Variants in POGZ observed in about 807,000 individuals in gnomAD.
POGZ encodes the protein pogo transposable element with ZNF domain.
POGZ carries 17 observed loss-of-function variants against 134.6 expected under a neutral mutation model. That is an observed-to-expected ratio of 0.13 (90% CI 0.09 to 0.19). The LOEUF (loss-of-function observed/expected upper bound fraction) is 0.19. POGZ is among the 10% of genes least tolerant of loss of function. POGZ has a pLI of 1.00. For missense variants in POGZ, 1,306 were observed against 1,769.7 expected (o/e 0.74, Z 4.70); for synonymous variants, 693 against 657.1 (o/e 1.05, Z -0.84).
At chr1:151,433,661 G>C (rs899715783) in intron 3 of POGZ, among the ~76,000 whole-genome samples, 1 of 139,562 alleles carries the variant, frequency 7.2e-6, no homozygotes, top group Non-Finnish European at 1.6e-5. Context: ...CAATCAAAAA[G>C]TGGTTTTCTA....
chr1:151,453,107 G>C (rs1354010674), intron 1 of POGZ, among the ~76,000 whole-genome samples: 1 of 151,858 alleles, frequency 6.6e-6, no homozygotes, highest in Non-Finnish European at 1.5e-5. Flanking sequence ...ATTTTTAGTA[G>C]AGACAGGTTT....
intron 2 of POGZ, among the ~76,000 whole-genome samples, chr1:151,441,387 T>C (rs1229968428): frequency 6.6e-6 from 1 of 152,190 alleles, no homozygotes; most frequent in Non-Finnish European, 1.5e-5. Flanking sequence ...AAAGGTTTAT[T>C]ATTACCACTA....
intron 1 of POGZ, among the ~76,000 whole-genome samples, chr1:151,444,897 G>C (rs534823865): frequency 6.6e-6 from 1 of 152,110 alleles, no homozygotes; most frequent in South Asian, 2.1e-4. Flanking sequence ...GCACACACCA[G>C]TGGTCCCAGC....
At chr1:151,419,748 T>C (rs1395730066) in intron 10 of POGZ, among the ~76,000 whole-genome samples, 5 of 145,974 alleles carry the variant, frequency 3.4e-5, no homozygotes, top group African/African-American at 1.3e-4. Context: ...TACGAAAGAC[T>C]GCAAGAATAA....
In POGZ at chr1:151,415,361, A is replaced by G. The variant is rs535419833; in HGVS notation, c.1679-2965T>C. 2.6e-5 allele frequency among the ~76,000 whole-genome samples: 4 copies of G among 152,270 alleles called. No homozygotes were observed. The East Asian group carries it at 7.7e-4, about 29-fold the overall frequency. On this transcript the variant is annotated intron_variant, in intron 10 of 18. Coordinates refer to ENST00000271715, the MANE Select transcript of POGZ (RefSeq NM_015100.4). ...GGAGGTAACAATGCCAGGAAGAAAA[A>G]TGTTATAATATTTGAAGAAATGGGC...
chr1:151,423,522 T>G lies in POGZ; in HGVS notation c.1553A>C (p.Glu518Ala), dbSNP rs1160818592. The change falls in exon 10 of 19, where the codon GAA becomes GCA. Residue 518 changes from glutamate to alanine, a missense_variant. This residue lies in a region of POGZ where 541 missense variants were observed against 680.5 expected (regional missense o/e 0.80). Coordinates refer to ENST00000271715, the MANE Select transcript of POGZ (RefSeq NM_015100.4). ...TACCTCACCGTTCTGCTGATCGAGT[T>G]CTACGTGGTGTTTCATATGGTTCAT... ...RFMNHMKHHVELDQQNGEVDG... is the reference protein window; with the variant it reads ...RFMNHMKHHVALDQQNGEVDG... The G allele has an allele frequency of 1.2e-6, 2 of 1,613,790 alleles. No homozygotes were observed. The highest frequency in any genetic ancestry group is 3.3e-5 in the Admixed American group (2 of 59,946).
chr1:151,424,455 T>C (rs140285774), intron 8 of POGZ, 169 bp from the exon 9 acceptor site: 3 of 536,218 alleles, frequency 5.6e-6, no homozygotes, highest in African/African-American at 3.8e-5. Flanking sequence ...TTCTAGAGTA[T>C]ATCCACATAT....
chr1:151,445,259 C>A (rs1557943530), intron 1 of POGZ, among the ~76,000 whole-genome samples: 1 of 152,108 alleles, frequency 6.6e-6, no homozygotes, highest in Non-Finnish European at 1.5e-5. Context: ...CAGTGGCTCA[C>A]ATCTGTAATC....
intron 1 of POGZ, among the ~76,000 whole-genome samples, chr1:151,458,640 C>G (rs1160551097): frequency 1.4e-5 from 2 of 146,258 alleles, no homozygotes; most frequent in Non-Finnish European, 3.0e-5. Flanking sequence ...GCCTCGCCCC[C>G]TCGCCGGCCC....
intron 12 of POGZ, among the ~76,000 whole-genome samples, 173 bp from the exon 13 acceptor site, chr1:151,409,001 A>G (rs1654173195): frequency 6.6e-6 from 1 of 152,186 alleles, no homozygotes; most frequent in South Asian, 2.1e-4. Flanking sequence ...CCTACCATTG[A>G]GAATCATCAC....
At chr1:151,417,050 TGA>T (rs1412623501) in intron 10 of POGZ, among the ~76,000 whole-genome samples, 1 of 152,118 alleles carries the variant, frequency 6.6e-6, no homozygotes, top group African/African-American at 2.4e-5. Flanking sequence ...TAAGGATTTC[TGA>T]TTAATTCTGT....
intron 10 of POGZ, among the ~76,000 whole-genome samples, chr1:151,417,689 C>CACAG (rs1656008194): frequency 2.5e-4 from 1 of 4,026 alleles, no homozygotes; most frequent in Non-Finnish European, 7.4e-4. Flanking sequence ...GTACTGTGGC[C>CACAG]ACACACACAC....
At chr1:151,441,986 T>C in intron 2 of POGZ, 95 bp downstream of exon 2, 4 of 875,808 alleles carry the variant, frequency 4.6e-6, no homozygotes, top group Non-Finnish European at 7.1e-6. Flanking sequence ...TCTCCCTGGA[T>C]TCTTCAAGTC....
chr1:151,406,403 AAGG>A lies in POGZ; in HGVS notation c.2629_2631del (p.Pro877del), dbSNP rs1392160287. On this transcript the variant is annotated inframe_deletion, in exon 19 of 19. Coordinates refer to ENST00000271715, the MANE Select transcript of POGZ (RefSeq NM_015100.4). ...GTGGCAGCTTTGTTAGTGGGGAAGG[AAGG>A]AGGAGGGTACATATTCTTCACGTTC... 6.4e-7 allele frequency: 1 copy of A among 1,571,276 alleles called. No individual in the cohort carries two copies. Among genetic ancestry groups the A allele is most frequent in the African/African-American group, 1.4e-5 (1 of 73,456 alleles).
At chr1:151,457,714 G>A (rs562765790) in intron 1 of POGZ, among the ~76,000 whole-genome samples, 3 of 152,110 alleles carry the variant, frequency 2.0e-5, no homozygotes, top group African/African-American at 4.8e-5. Flanking sequence ...ATCACCTGAG[G>A]TCAGGCGTTC....
At position 151,423,939 on chromosome 1, in the gene POGZ, A is replaced by G. The variant is rs779479223; in HGVS notation, c.1523+10T>C. On this transcript the variant is annotated intron_variant, in intron 9 of 18. Coordinates refer to ENST00000271715, the MANE Select transcript of POGZ (RefSeq NM_015100.4). ...GTTCAAGGTAACTTCCAAGGCTCTT[A>G]AACACTTACCGAATATTGTTTTTTA... The G allele has an allele frequency of 6.9e-6, 11 of 1,603,478 alleles. No homozygotes were observed. Among genetic ancestry groups the G allele is most frequent in the Non-Finnish European group, 9.4e-6 (11 of 1,171,618 alleles).
intron 1 of POGZ, 139 bp downstream of exon 1, chr1:151,459,013 G>GCCCCCCCCCCC (rs550552322): frequency 7.0e-6 from 1 of 142,052 alleles, no homozygotes; most frequent in Non-Finnish European, 1.6e-5. Flanking sequence ...CGCACCGCCG[G>GCCCCCCCCCCC]CCCCCCGCCC....
At chr1:151,410,487 A>T (rs1379613077) in intron 12 of POGZ, among the ~76,000 whole-genome samples, 1 of 152,116 alleles carries the variant, frequency 6.6e-6, no homozygotes, top group Non-Finnish European at 1.5e-5. Flanking sequence ...TCTTCTCCCC[A>T]GTTTCCTTAA....
At position 151,406,989 on chromosome 1, in the gene POGZ, C is replaced by A; in HGVS notation, c.2467G>T (p.Val823Phe). The change falls in exon 17 of 19, where the codon GTT becomes TTT. Residue 823 changes from valine to phenylalanine, a missense_variant. Physicochemically the swap from Val to Phe is conservative, Grantham distance 50. Around this residue, in one of 10 missense-constraint regions of POGZ, gnomAD observed 214 missense variants for 255.5 expected, o/e 0.84. Coordinates refer to ENST00000271715, the MANE Select transcript of POGZ (RefSeq NM_015100.4). ...IKLACTSCTF[V>F]TSVGDAMAKH... ...GCCATAGCATCGCCCACAGAGGTAACAAAGGTACATGAAGTGCAGGCCAGC... is the reference window on the plus strand; with the variant it reads ...GCCATAGCATCGCCCACAGAGGTAAAAAAGGTACATGAAGTGCAGGCCAGC... The A allele has an allele frequency of 6.2e-7, 1 of 1,614,080 alleles. No homozygotes were observed. Among genetic ancestry groups the A allele is most frequent in the Non-Finnish European group, 8.5e-7 (1 of 1,180,018 alleles).
Sources: allele counts gnomAD v4.1 joint callset (sites outside exome capture counted in the v4.1 genomes callset), GRCh38; gene constraint gnomAD v4.1.1; regional missense constraint gnomAD v4.1.1; transcripts MANE v1.5; gene names NCBI Gene and HGNC (gene_info 2026-07-23, HGNC 2026-07-21).